ZNF133: variants seen among roughly 807,000 people sequenced by gnomAD.
ZNF133 encodes the protein zinc finger protein 133 (clone pHZ-13).
ZNF133 carries 26 observed loss-of-function variants against 54.9 expected under a neutral mutation model. The ratio of observed to expected loss-of-function variants is 0.47; its 90% CI spans 0.35 to 0.66. The LOEUF (loss-of-function observed/expected upper bound fraction) is 0.66, where lower values mean the gene tolerates loss of function less well. ZNF133 is among the 30% of genes least tolerant of loss of function. ZNF133 has a pLI of 0.01. For missense variants in ZNF133, 653 were observed against 820.8 expected, an observed-to-expected ratio of 0.80 and a Z score of 2.50; for synonymous variants, 298 against 320.3, an observed-to-expected ratio of 0.93 and a Z score of 0.74.
At chr20:18,304,920 A>G (rs2044261173) in intron 3 of ZNF133, 88 bp from the exon 4 acceptor site, 3 of 848,910 alleles carry the variant, frequency 3.5e-6, no homozygotes, top group Middle Eastern at 1.2e-3. Context: ...AGTTCCTAGC[A>G]CTTTCTTCTT....
Position 18,315,214 on chromosome 20 carries a change from T to C in ZNF133, c.363T>C (p.Asp121=). The C allele has an allele frequency of 6.2e-7, 1 of 1,613,940 alleles. No homozygotes were observed. Among genetic ancestry groups the C allele is most frequent in the Non-Finnish European group, 8.5e-7 (1 of 1,179,950 alleles). ...CAGAAGGTAACATCCAGCCTGGGGA[T>C]CCGGGCCCAGGGGACCAGGAGAAGC... is the stretch of plus-strand genomic sequence containing the variant. The part of the protein sequence containing the change: ...LCAEGNIQPG[D]PGPGDQEKQQ... Residue 121 remains aspartate, a synonymous_variant, in exon 7 of 7, where the codon GAT becomes GAC. Coordinates refer to ENST00000425686, the MANE Select transcript of ZNF133 (RefSeq NM_001352452.2).
chr20:18,302,249 A>G (rs912293779), intron 3 of ZNF133, among the ~76,000 whole-genome samples: 2 of 151,978 alleles, frequency 1.3e-5, no homozygotes, highest in African/African-American at 2.4e-5. Flanking sequence ...GAAAATACAA[A>G]AAAATTAGCC....
intron 1 of ZNF133, among the ~76,000 whole-genome samples, chr20:18,291,728 G>A (rs62205462): frequency 9.3e-6 from 1 of 107,530 alleles, no homozygotes; most frequent in Non-Finnish European, 2.1e-5. Context: ...TTTTTTTTTA[G>A]TGAGACAGGA....
At chr20:18,314,554 T>A (rs1475542534) in intron 6 of ZNF133, 1 of 152,410 alleles carries the variant, frequency 6.6e-6, no homozygotes, top group African/African-American at 2.4e-5. Flanking sequence ...CTCGGGTGTG[T>A]CACATACTGT....
intron 3 of ZNF133, among the ~76,000 whole-genome samples, chr20:18,299,870 C>G (rs2043018490): frequency 6.6e-6 from 1 of 152,196 alleles, no homozygotes; most frequent in African/African-American, 2.4e-5. Flanking sequence ...CCCTTCATTA[C>G]TGAGGCAGAA....
chr20:18,303,049 A>AT (rs745480370), intron 3 of ZNF133, among the ~76,000 whole-genome samples: 443 of 142,610 alleles, frequency 3.1e-3, no homozygotes, highest in South Asian at 7.4e-3. Context: ...CTGGAAAACT[A>AT]TTTTTTTTTT....
Position 18,315,970 on chromosome 20 carries a change from G to A in ZNF133, c.1119G>A (p.Gln373=). The change falls in exon 7 of 7, where the codon CAG becomes CAA. Residue 373 remains glutamine (Q), a synonymous_variant. Coordinates refer to ENST00000425686, the MANE Select transcript of ZNF133 (RefSeq NM_001352452.2). ...FSDRSNLISH[Q]RTHSGEKPYA... ...ACAGGTCAAACCTCATCTCCCACCA[G>A]AGGACGCACTCTGGGGAGAAGCCCT... 3 of 1,613,968 alleles carry A rather than the reference G, an allele frequency of 1.9e-6. No homozygotes were observed. The highest frequency in any genetic ancestry group is 2.5e-6 in the Non-Finnish European group (3 of 1,179,984).
intron 1 of ZNF133, among the ~76,000 whole-genome samples, chr20:18,294,542 A>G (rs569214403): frequency 6.6e-6 from 1 of 152,354 alleles, no homozygotes; most frequent in South Asian, 2.1e-4. Flanking sequence ...AGATGTTAAC[A>G]TTAGAGAAAG....
chr20:18,301,698 A>C (rs2043393923), intron 3 of ZNF133, among the ~76,000 whole-genome samples: 1 of 144,686 alleles, frequency 6.9e-6, no homozygotes, highest in Non-Finnish European at 1.5e-5. Context: ...AAACCTATCA[A>C]GACTGAATCA....
chr20:18,315,634 G>A lies in ZNF133; in HGVS notation c.783G>A (p.Gln261=). 6.2e-7 allele frequency: 1 copy of A among 1,614,104 alleles called. No individual in the cohort carries two copies. The highest frequency in any genetic ancestry group is 8.5e-7 in the Non-Finnish European group (1 of 1,179,984). The change falls in exon 7 of 7, where the codon CAG becomes CAA. Residue 261 remains glutamine, a synonymous_variant. Coordinates refer to ENST00000425686, the MANE Select transcript of ZNF133 (RefSeq NM_001352452.2). ...FSLKKSLARH[Q]KAHSGEKPIV... ...TAAAGAAGAGCCTCGCCAGACACCA[G>A]AAGGCACACTCGGGGGAGAAGCCAA... is the stretch of plus-strand genomic sequence containing the variant.
At chr20:18,300,709 G>A (rs2043185699) in intron 3 of ZNF133, among the ~76,000 whole-genome samples, 1 of 152,062 alleles carries the variant, frequency 6.6e-6, no homozygotes, top group Admixed American at 6.6e-5. Flanking sequence ...ATTGAAAAAG[G>A]TTACAAGAGA....
In ZNF133 at chr20:18,289,707, A is replaced by C. The variant is rs181536076; in HGVS notation, c.-432+1103A>C. 5.6e-4 allele frequency among the ~76,000 whole-genome samples: 85 copies of C among 152,314 alleles called. 1 individual carries two copies. Among genetic ancestry groups the C allele is most frequent in the Admixed American group, 5.6e-3 (85 of 15,302 alleles). On this transcript the variant is annotated intron_variant, in intron 1 of 6. Coordinates refer to ENST00000425686, the MANE Select transcript of ZNF133 (RefSeq NM_001352452.2). ...GGATAGAATGAGGTGAAACTCCTACAGTGGCTGTAACAGTCTCTGGTGTAT... is the reference window on the plus strand; with the variant it reads ...GGATAGAATGAGGTGAAACTCCTACCGTGGCTGTAACAGTCTCTGGTGTAT...
chr20:18,311,639 A>C (rs1233431207), intron 6 of ZNF133, among the ~76,000 whole-genome samples: 1 of 152,220 alleles, frequency 6.6e-6, no homozygotes, highest in Non-Finnish European at 1.5e-5. Context: ...AATACAAGTA[A>C]AATTATTGCA....
intron 6 of ZNF133, 136 bp from the exon 7 acceptor site, chr20:18,314,933 G>A (rs1387037780): frequency 5.2e-6 from 4 of 775,516 alleles, no homozygotes; most frequent in Non-Finnish European, 7.9e-6. Flanking sequence ...AGGCTGGAGA[G>A]TAGGCCATGT....
intron 1 of ZNF133, among the ~76,000 whole-genome samples, chr20:18,292,154 C>T (rs529460171): frequency 2.1e-4 from 32 of 152,286 alleles, no homozygotes; most frequent in African/African-American, 7.0e-4. Context: ...CTCATCTGGA[C>T]GATCATAGCC....
intron 6 of ZNF133, chr20:18,314,229 A>G (rs1350247902): frequency 6.6e-6 from 1 of 152,122 alleles, no homozygotes; most frequent in Non-Finnish European, 1.5e-5. Context: ...CGAGATCTCT[A>G]CCTCGTTACT....
rs1483059194 is a variant in ZNF133, at chr20:18,305,915, G to A, written c.121+108G>A. 5 of 1,400,060 alleles carry A rather than the reference G, an allele frequency of 3.6e-6. No individual in the cohort carries two copies. In the African/African-American group the frequency reaches 5.8e-5, roughly 16 times the overall value. The allele number at this position is 1,400,060 out of a possible 1,614,324, so 86.7% of individuals were successfully genotyped here. On this transcript the variant is annotated intron_variant, in intron 5 of 6. Coordinates refer to ENST00000425686, the MANE Select transcript of ZNF133 (RefSeq NM_001352452.2). This position sits in a 1 kb window ranked among gnomAD's most constrained non-coding sequence, Gnocchi z 4.7. Reference sequence around the variant, plus strand: ...CTTGACCTTTGGGTTGGACCAAAAAGCAACTACATTTTATTCGTGTTTCCC... The same window carrying A: ...CTTGACCTTTGGGTTGGACCAAAAAACAACTACATTTTATTCGTGTTTCCC...
chr20:18,313,119 T>C (rs2046485513), intron 6 of ZNF133: 2 of 152,244 alleles, frequency 1.3e-5, no homozygotes, highest in South Asian at 4.1e-4. Flanking sequence ...ATTTAAAATA[T>C]TTTATAAATA....
chr20:18,306,829 A>C, intron 6 of ZNF133: 13 of 1,137,748 alleles, frequency 1.1e-5, no homozygotes, highest in Non-Finnish European at 1.5e-5. Context: ...GAGCTATTCA[A>C]GAATGGCTTT....
Sources: allele counts gnomAD v4.1 joint callset (sites outside exome capture counted in the v4.1 genomes callset), GRCh38; gene constraint gnomAD v4.1.1; non-coding constraint Gnocchi (gnomAD v3.1); transcripts MANE v1.5; gene names NCBI Gene and HGNC (gene_info 2026-07-23, HGNC 2026-07-21).